Variants in MYO18B observed in about 807,000 individuals in gnomAD.
The protein encoded by MYO18B is unconventional myosin-XVIIIb.
In MYO18B, 204 loss-of-function variants were observed where a neutral mutation model predicts 273.0. That is an observed-to-expected ratio of 0.75 (90% CI 0.67 to 0.84). The LOEUF is 0.84. Ranked by LOEUF, MYO18B falls within the 40% of genes least tolerant of loss-of-function variation. The probability of loss-of-function intolerance (pLI) is 0.00; values close to 1 mark genes in which losing one functional copy is unlikely to be tolerated. For missense variants in MYO18B, 3,212 were observed against 3,287.6 expected (o/e 0.98, Z 0.56); for synonymous variants, 1,330 against 1,305.7 (o/e 1.02, Z -0.40).
intron 34 of MYO18B, among the ~76,000 whole-genome samples, chr22:25,935,213 G>A (rs971507215): frequency 2.0e-5 from 3 of 152,150 alleles, no homozygotes; most frequent in African/African-American, 7.2e-5. Flanking sequence ...TAAATGTGCC[G>A]CTTTGCCTTT....
the MYO18B span, among the ~76,000 whole-genome samples, chr22:26,063,691 C>A: frequency 2.0e-5 from 3 of 152,322 alleles, no homozygotes; most frequent in East Asian, 5.8e-4. Flanking sequence ...CCCCTCAACA[C>A]TAAACACCAC....
intron 21 of MYO18B, among the ~76,000 whole-genome samples, chr22:25,858,281 A>G (rs695427): frequency 0.41 from 61,946 of 151,726 alleles, 14,858 homozygotes; most frequent in East Asian, 0.75. Flanking sequence ...TAGGCAACAT[A>G]TAGTATGGCA....
At chr22:25,971,688 C>T (rs950197963) in intron 39 of MYO18B, among the ~76,000 whole-genome samples, 10 of 152,162 alleles carry the variant, frequency 6.6e-5, no homozygotes, top group African/African-American at 2.4e-4. Flanking sequence ...ATCACAAAGG[C>T]GCGGCCTCAG....
chr22:25,835,399 A>T lies in MYO18B; in HGVS notation c.3164A>T (p.Glu1055Val). ...GGCTCCAGTGACAGTGTGGTGCTCGAGCGTCTGTGTGCTGCTTTCGAGAAG... is the reference window on the plus strand; with the variant it reads ...GGCTCCAGTGACAGTGTGGTGCTCGTGCGTCTGTGTGCTGCTTTCGAGAAG... Reference protein sequence around the residue: ...VEGSSDSVVLERLCAAFEKKG... With the variant: ...VEGSSDSVVLVRLCAAFEKKG... Residue 1055 changes from glutamate to valine, a missense_variant, in exon 17 of 44, where the codon GAG becomes GTG. Coordinates refer to ENST00000335473, the MANE Select transcript of MYO18B (RefSeq NM_032608.7). The T allele has an allele frequency of 6.2e-7, 1 of 1,613,934 alleles. No individual in the cohort carries two copies.
rs149892260 is a variant in MYO18B, at chr22:25,844,340, A to G, written c.3368+446A>G. ...GAGGCCGGCAGCATTCTCTGCTTTT[A>G]GTTCAGAGGCTTATTGGAAAATGCT... On this transcript the variant is annotated intron_variant, in intron 18 of 43. Coordinates refer to ENST00000335473, the MANE Select transcript of MYO18B (RefSeq NM_032608.7). Among the ~76,000 whole-genome samples the G allele has an allele frequency of 8.6e-5, 13 of 151,858 alleles. No individual in the cohort carries two copies. The East Asian group carries it at 2.5e-3, about 29-fold the overall frequency.
intron 17 of MYO18B, among the ~76,000 whole-genome samples, chr22:25,839,510 CTTGG>C (rs1371711547): frequency 6.6e-6 from 1 of 152,120 alleles, no homozygotes; most frequent in Non-Finnish European, 1.5e-5. Context: ...TTGTGGAGCC[CTTGG>C]TTGGAGCCAG....
intron 34 of MYO18B, 65 bp downstream of exon 34, chr22:25,921,474 C>T (rs1196132496): frequency 2.0e-6 from 3 of 1,534,202 alleles, no homozygotes; most frequent in African/African-American, 1.4e-5. Context: ...CAGAGAATTG[C>T]TGTCCCTCCC....
Position 25,955,232 on chromosome 22 carries a change from A to C in MYO18B, c.6024A>C (p.Ser2008=). The C allele has an allele frequency of 6.2e-7, 1 of 1,613,236 alleles. No individual in the cohort carries two copies. The highest frequency in any genetic ancestry group is 1.1e-5 in the South Asian group (1 of 90,890). The change falls in exon 39 of 44, where the codon TCA becomes TCC. Residue 2008 remains serine (S), a synonymous_variant. Transcript: ENST00000335473. The stretch of plus-strand genomic sequence containing the variant: ...TGATCAAGATGGGGGAGGAGCTTTC[A>C]CAGGCGGCCACCTCCGAGTCCCAGC... ...DSLIKMGEEL[S]QAATSESQQR...
In MYO18B at chr22:25,937,741, G is replaced by A. The variant is rs563235270; in HGVS notation, c.5518-8396G>A. 3.5e-4 allele frequency among the ~76,000 whole-genome samples: 53 copies of A among 151,980 alleles called. 1 individual carries two copies. The highest frequency in any genetic ancestry group is 1.0e-3 in the South Asian group (5 of 4,790). ...GCTGGGATTACAGGCATGCACCACC[G>A]CGCCTGGCTGATTTTGTATTTTTAG... On this transcript the variant is annotated intron_variant, in intron 34 of 43. Transcript: ENST00000335473.
chr22:25,923,780 A>G (rs1471102863), intron 34 of MYO18B, among the ~76,000 whole-genome samples: 2 of 152,192 alleles, frequency 1.3e-5, no homozygotes, highest in Non-Finnish European at 2.9e-5. Flanking sequence ...TTTTCCATCA[A>G]AATGTCCCCA....
chr22:25,845,418 G>A (rs1352707697), intron 18 of MYO18B, among the ~76,000 whole-genome samples: 1 of 152,218 alleles, frequency 6.6e-6, no homozygotes, highest in Non-Finnish European at 1.5e-5. Flanking sequence ...TCGGGAGGCT[G>A]AAGCAGGAGA....
Position 26,027,510 on chromosome 22 carries a change from C to G in MYO18B, c.7536C>G (p.Ser2512=). Residue 2512 remains serine, a synonymous_variant, in exon 43 of 44, where the codon TCC becomes TCG. Coordinates refer to ENST00000335473, the MANE Select transcript of MYO18B (RefSeq NM_032608.7). This position sits in a 1 kb window ranked among gnomAD's most constrained non-coding sequence, Gnocchi z 4.1. The part of the protein sequence containing the change: ...PAHLSDSSSS[S]GSIVSFKSAD... Reference sequence around the variant, plus strand: ...ACCTGTCTGACTCGTCCTCATCCTCCGGCTCCATCGTGTCCTTCAAAAGTG... The same window carrying G: ...ACCTGTCTGACTCGTCCTCATCCTCGGGCTCCATCGTGTCCTTCAAAAGTG... 6.2e-7 allele frequency: 1 copy of G among 1,614,006 alleles called. No homozygotes were observed. Among genetic ancestry groups the G allele is most frequent in the Admixed American group, 1.7e-5 (1 of 60,032 alleles).
chr22:25,756,867 C>A (rs1010005028), intron 1 of MYO18B, among the ~76,000 whole-genome samples: 3 of 152,030 alleles, frequency 2.0e-5, no homozygotes, highest in Admixed American at 2.0e-4. Context: ...TTGAGACCAG[C>A]CTGGTCAATA....
At position 25,996,600 on chromosome 22, in the gene MYO18B, G is replaced by C. The variant is rs554577347; in HGVS notation, c.6287+4107G>C. On this transcript the variant is annotated intron_variant, in intron 40 of 43. Coordinates refer to ENST00000335473, the MANE Select transcript of MYO18B (RefSeq NM_032608.7). Reference sequence around the variant, plus strand: ...ATGTGTGTGAGTGTGTCCAAAAATAGAGTGCACAGATTGATAAATAAAACA... The same window carrying C: ...ATGTGTGTGAGTGTGTCCAAAAATACAGTGCACAGATTGATAAATAAAACA... 3.3e-5 allele frequency among the ~76,000 whole-genome samples: 5 copies of C among 152,130 alleles called. No homozygotes were observed. The East Asian group carries it at 9.7e-4, about 29-fold the overall frequency.
chr22:25,924,072 T>G (rs981597768), intron 34 of MYO18B, among the ~76,000 whole-genome samples: 1 of 152,210 alleles, frequency 6.6e-6, no homozygotes, highest in Non-Finnish European at 1.5e-5. Context: ...GCTGTTGTCA[T>G]GGAAATCGTT....
At chr22:25,856,071 A>G (rs559300398) in intron 21 of MYO18B, among the ~76,000 whole-genome samples, 1 of 152,292 alleles carries the variant, frequency 6.6e-6, no homozygotes, top group East Asian at 1.9e-4. Flanking sequence ...GAATAGCTGG[A>G]TCATATGGTA....
intron 25 of MYO18B, among the ~76,000 whole-genome samples, chr22:25,886,442 T>A (rs1200672456): frequency 6.6e-6 from 1 of 152,172 alleles, no homozygotes; most frequent in Non-Finnish European, 1.5e-5. Context: ...ACAAGCCAGC[T>A]GGTACTGCAG....
rs1442017467 is a variant in MYO18B at position 25,846,091 on chromosome 22, C to T, written c.3369-9C>T. On this transcript the variant is annotated splice_polypyrimidine_tract_variant and intron_variant, in intron 18 of 43. Transcript: ENST00000335473. The stretch of plus-strand genomic sequence containing the variant: ...AAAGCTCCTCTCTCTTTTCCCTCCT[C>T]CCCACCAGAGAGGAGCTGCGGAGTC... 2.0e-6 allele frequency: 3 copies of T among 1,524,262 alleles called. No individual in the cohort carries two copies. Among genetic ancestry groups the T allele is most frequent in the Admixed American group, 2.4e-5 (1 of 42,430 alleles). 94.4% of individuals were successfully genotyped at this position (1,524,262 alleles called of 1,614,324 possible). A position where few individuals can be genotyped will look rare whatever the true frequency, so the allele number is the denominator to read the frequency against.
At position 26,027,051 on chromosome 22, in the gene MYO18B, G is replaced by C. The variant is rs370775470; in HGVS notation, c.7077G>C (p.Pro2359=). 3.7e-6 allele frequency: 6 copies of C among 1,613,954 alleles called. No homozygotes were observed. The highest frequency in any genetic ancestry group is 5.1e-6 in the Non-Finnish European group (6 of 1,179,892). ...SSCESLLESR[P]SMGRKLSSPT... is the part of the protein sequence containing the mutation. The stretch of plus-strand genomic sequence containing the variant: ...GCGAGTCCCTCTTAGAATCCAGACC[G>C]AGCATGGGGAGAAAACTGAGCTCTC... Residue 2359 remains proline (P), a synonymous_variant, in exon 43 of 44, where the codon CCG becomes CCC. Transcript: ENST00000335473. The surrounding 1 kb of genome is among the most constrained non-coding windows in gnomAD (Gnocchi z 4.1).
Sources: gnomAD v4.1 joint callset for allele counts (sites outside exome capture counted in the v4.1 genomes callset) on GRCh38, gnomAD v4.1.1 for gene constraint, Gnocchi (gnomAD v3.1) non-coding constraint, MANE v1.5 for transcripts, NCBI Gene and HGNC (gene_info 2026-07-23, HGNC 2026-07-21) for gene names.